The following CDKAL1 variants were observed in gnomAD, a reference collection of about 807,000 sequenced individuals.
CDKAL1 encodes the protein threonylcarbamoyladenosine tRNA methylthiotransferase.
A neutral mutation model predicts 68.2 loss-of-function variants in CDKAL1; 32 were observed. That is an observed-to-expected ratio of 0.47 (90% CI 0.35 to 0.63). CDKAL1 has a LOEUF of 0.63. CDKAL1 is among the 30% of genes least tolerant of loss of function. CDKAL1 has a pLI of 0.00. For synonymous variants in CDKAL1, 234 were observed against 244.3 expected (o/e 0.96, Z 0.39); for missense variants, 606 against 696.7 (o/e 0.87, Z 1.47).
At chr6:20,647,108 C>T (rs778134558) in intron 4 of CDKAL1, among the ~76,000 whole-genome samples, 7 of 152,208 alleles carry the variant, frequency 4.6e-5, no homozygotes, top group Admixed American at 6.5e-5. Flanking sequence ...AGCTAGCAGA[C>T]ATCTGTGACA....
At chr6:20,557,053 A>T (rs941236163) in intron 4 of CDKAL1, among the ~76,000 whole-genome samples, 2 of 81,234 alleles carry the variant, frequency 2.5e-5, no homozygotes, top group Non-Finnish European at 2.7e-5. Flanking sequence ...AAAAAAAAAA[A>T]TAAATAAATA....
chr6:21,100,762 G>T (rs1397018478), intron 12 of CDKAL1, among the ~76,000 whole-genome samples: 1 of 151,978 alleles, frequency 6.6e-6, no homozygotes, highest in South Asian at 2.1e-4. Flanking sequence ...AAAACTTGAG[G>T]TTCATGGTTT....
chr6:21,014,611 A>AT (rs1015960486), intron 11 of CDKAL1, among the ~76,000 whole-genome samples: 1 of 146,002 alleles, frequency 6.8e-6, no homozygotes, highest in African/African-American at 2.5e-5. Context: ...ACTCCGTCTC[A>AT]TAAAAAAAAA....
chr6:20,603,768 ATTTTTTTTT>A (rs745786047), intron 4 of CDKAL1, among the ~76,000 whole-genome samples: 8 of 85,192 alleles, frequency 9.4e-5, no homozygotes, highest in Admixed American at 3.5e-4. Flanking sequence ...CAGTTGCTAA[ATTTTTTTTT>A]TTTTTTTTTT....
At chr6:21,155,152 A>C (rs1776588020) in intron 13 of CDKAL1, among the ~76,000 whole-genome samples, 1 of 152,252 alleles carries the variant, frequency 6.6e-6, no homozygotes, top group Non-Finnish European at 1.5e-5. Flanking sequence ...CAGTTGTAAA[A>C]AATTTTATAA....
chr6:21,048,373 G>T (rs1448996956), intron 11 of CDKAL1, among the ~76,000 whole-genome samples: 1 of 152,090 alleles, frequency 6.6e-6, no homozygotes, highest in East Asian at 1.9e-4. Flanking sequence ...AACACAATAA[G>T]AAAATGTTCT....
intron 5 of CDKAL1, among the ~76,000 whole-genome samples, chr6:20,731,048 T>C (rs1052425634): frequency 1.3e-5 from 2 of 152,090 alleles, no homozygotes; most frequent in Non-Finnish European, 1.5e-5. Flanking sequence ...GTCAAGTGCA[T>C]GCATGACTTT....
At chr6:21,034,178 G>A (rs750665990) in intron 11 of CDKAL1, among the ~76,000 whole-genome samples, 40 of 152,262 alleles carry the variant, frequency 2.6e-4, no homozygotes, top group Middle Eastern at 3.4e-3. Flanking sequence ...AACAAAGCCC[G>A]TCAGGAGTTC....
chr6:21,003,369 TATACAC>T (rs1257420047), intron 11 of CDKAL1, among the ~76,000 whole-genome samples: 2 of 46,612 alleles, frequency 4.3e-5, no homozygotes, highest in African/African-American at 1.8e-4. Context: ...TATATATATA[TATACAC>T]ACACACACAC....
chr6:20,570,842 G>C (rs1764671287), intron 4 of CDKAL1, among the ~76,000 whole-genome samples: 1 of 152,140 alleles, frequency 6.6e-6, no homozygotes, highest in Non-Finnish European at 1.5e-5. Flanking sequence ...ACAAAAAAAA[G>C]GGTAAAATGT....
At chr6:20,862,159 A>G (rs1759665432) in intron 9 of CDKAL1, among the ~76,000 whole-genome samples, 1 of 152,240 alleles carries the variant, frequency 6.6e-6, no homozygotes, top group Non-Finnish European at 1.5e-5. Context: ...TAGTTTTAAC[A>G]ATTACTGGCA....
intron 12 of CDKAL1, among the ~76,000 whole-genome samples, chr6:21,074,341 G>A (rs928017790): frequency 6.6e-6 from 1 of 152,124 alleles, no homozygotes; most frequent in African/African-American, 2.4e-5. Flanking sequence ...TTCTTAAAAG[G>A]ACTAAGTCAT....
chr6:20,760,900 G>T (rs1774432541), intron 7 of CDKAL1, among the ~76,000 whole-genome samples: 1 of 152,146 alleles, frequency 6.6e-6, no homozygotes, highest in Non-Finnish European at 1.5e-5. Flanking sequence ...AGAAATAATT[G>T]CCAAGTTGGA....
At chr6:20,635,136 C>G (rs2127745306) in intron 4 of CDKAL1, among the ~76,000 whole-genome samples, 2 of 152,188 alleles carry the variant, frequency 1.3e-5, no homozygotes, top group South Asian at 4.1e-4. Flanking sequence ...ATTCTCTGAC[C>G]CTCTCAGTCC....
intron 11 of CDKAL1, among the ~76,000 whole-genome samples, chr6:21,050,221 T>G (rs542207792): frequency 2.6e-5 from 4 of 152,226 alleles, no homozygotes; most frequent in East Asian, 1.9e-4. Flanking sequence ...ATAATTAATA[T>G]GTTAGTTGTA....
At chr6:20,641,459 G>A (rs1311070888) in intron 4 of CDKAL1, among the ~76,000 whole-genome samples, 1 of 152,134 alleles carries the variant, frequency 6.6e-6, no homozygotes, top group African/African-American at 2.4e-5. Context: ...AGATGCACAT[G>A]AATACAATAT....
intron 4 of CDKAL1, among the ~76,000 whole-genome samples, chr6:20,634,437 G>A (rs1767807180): frequency 1.3e-5 from 2 of 152,172 alleles, no homozygotes; most frequent in African/African-American, 4.8e-5. Flanking sequence ...CATATGTACA[G>A]ATTATCTATG....
chr6:20,545,845 AAAAT>A (rs1763579284), intron 2 of CDKAL1, among the ~76,000 whole-genome samples: 1 of 152,244 alleles, frequency 6.6e-6, no homozygotes. Flanking sequence ...GCATCTCTAA[AAAAT>A]AAAATTTTTG....
chr6:20,888,480 A>G (rs1014819740), intron 9 of CDKAL1, among the ~76,000 whole-genome samples: 6 of 143,760 alleles, frequency 4.2e-5, no homozygotes, highest in Non-Finnish European at 7.6e-5. Flanking sequence ...TTAACTCGTC[A>G]TTTAGCATTA....
Sources: allele counts gnomAD v4.1 joint callset (sites outside exome capture counted in the v4.1 genomes callset), GRCh38; gene constraint gnomAD v4.1.1; transcripts MANE v1.5; gene names NCBI Gene and HGNC (gene_info 2026-07-23, HGNC 2026-07-21).